ELAVL2: variants seen among roughly 807,000 people sequenced by gnomAD.
ELAVL2 encodes the protein ELAV-like protein 2.
Under a neutral mutation model 34.6 loss-of-function variants are expected in ELAVL2, and 4 were observed. The observed-to-expected ratio is 0.12, with a 90% CI of 0.06 to 0.26. The LOEUF (loss-of-function observed/expected upper bound fraction) is 0.26, where lower values mean the gene tolerates loss of function less well. Among genes scored for constraint, ELAVL2 ranks in the 10% least tolerant of loss-of-function variants. The pLI is 1.00. For missense variants in ELAVL2, 432 were observed against 442.8 expected (o/e 0.98, Z 0.22); for synonymous variants, 193 against 154.8 (o/e 1.25, Z -1.83).
At chr9:23,768,239 C>T (rs1223027070) in intron 1 of ELAVL2, among the ~76,000 whole-genome samples, 1 of 152,136 alleles carries the variant, frequency 6.6e-6, no homozygotes, top group Non-Finnish European at 1.5e-5. Flanking sequence ...CTCCTTGTCC[C>T]TCAAACAGTC....
chr9:23,730,994 A>T (rs746153264), intron 3 of ELAVL2, 28 bp downstream of exon 3: 30 of 1,583,122 alleles, frequency 1.9e-5, no homozygotes, highest in Non-Finnish European at 2.6e-5. Flanking sequence ...CTGTTCCGCA[A>T]GTAGATATAA....
intron 1 of ELAVL2, among the ~76,000 whole-genome samples, chr9:23,798,726 T>TAA (rs945979817): frequency 1.4e-4 from 21 of 152,112 alleles, no homozygotes; most frequent in African/African-American, 4.8e-4. Context: ...AACCACAAGC[T>TAA]AAAAGCTATA....
At chr9:23,693,523 T>G (rs761551993) in intron 5 of ELAVL2, 37 bp from the exon 6 acceptor site, 1 of 1,613,600 alleles carries the variant, frequency 6.2e-7, no homozygotes, top group Non-Finnish European at 8.5e-7. Flanking sequence ...CAGTTTTTAA[T>G]TTTTCCCCTT....
intron 5 of ELAVL2, among the ~76,000 whole-genome samples, chr9:23,699,618 C>G (rs769593745): frequency 6.6e-6 from 1 of 151,970 alleles, no homozygotes; most frequent in African/African-American, 2.4e-5. Flanking sequence ...GTTCATCCTA[C>G]GTTTGCAATT....
At chr9:23,763,940 A>T (rs2055640231) in intron 1 of ELAVL2, among the ~76,000 whole-genome samples, 1 of 152,192 alleles carries the variant, frequency 6.6e-6, no homozygotes, top group South Asian at 2.1e-4. Flanking sequence ...GATGAAGGAA[A>T]ATAAACCTTT....
chr9:23,720,321 C>T (rs1587677782), intron 3 of ELAVL2, among the ~76,000 whole-genome samples: 1 of 151,908 alleles, frequency 6.6e-6, no homozygotes, highest in Admixed American at 6.6e-5. Flanking sequence ...TCACAGGCAC[C>T]CGCCACCATG....
In ELAVL2 at chr9:23,825,965, C is replaced by T. The variant is rs572585975; in HGVS notation, c.-175G>A. ...AGCAAATAAAAAGAAACGCTTTCGA[C>T]CCCAAAGTCCAATGCTAAAAGAAAT... is the stretch of plus-strand genomic sequence containing the variant. On this transcript the variant is annotated 5_prime_UTR_variant, in exon 1 of 7. Transcript: ENST00000397312. The T allele has an allele frequency of 6.6e-6, 1 of 152,050 alleles. No individual in the cohort carries two copies. Among genetic ancestry groups the T allele is most frequent in the Non-Finnish European group, 1.5e-5 (1 of 68,016 alleles). 9.4% of individuals were successfully genotyped at this position (152,050 alleles called of 1,614,324 possible). A position where few individuals can be genotyped will look rare whatever the true frequency, so the allele number is the denominator to read the frequency against.
intron 1 of ELAVL2, chr9:23,765,203 TC>T: frequency 2.0e-6 from 2 of 1,007,430 alleles, no homozygotes; most frequent in Non-Finnish European, 2.9e-6. Flanking sequence ...TCCCAGCACG[TC>T]CATGCAGTGT....
intron 2 of ELAVL2, among the ~76,000 whole-genome samples, chr9:23,739,797 G>A (rs113888328): frequency 4.2e-5 from 6 of 144,528 alleles, no homozygotes; most frequent in African/African-American, 1.0e-4. Context: ...ACACACACAC[G>A]CACACACCCC....
At chr9:23,748,869 A>T (rs1028401705) in intron 2 of ELAVL2, among the ~76,000 whole-genome samples, 1 of 152,156 alleles carries the variant, frequency 6.6e-6, no homozygotes, top group African/African-American at 2.4e-5. Context: ...TTTACTTTCA[A>T]AATACTTTGG....
At position 23,797,298 on chromosome 9, in the gene ELAVL2, A is replaced by C. The variant is rs755820310; in HGVS notation, c.-16+28508T>G. 6.5e-4 allele frequency among the ~76,000 whole-genome samples: 99 copies of C among 152,262 alleles called. 1 individual carries two copies. The highest frequency in any genetic ancestry group is 1.0e-3 in the Non-Finnish European group (71 of 68,054). On this transcript the variant is annotated intron_variant, in intron 1 of 6. Transcript: ENST00000397312. The stretch of plus-strand genomic sequence containing the variant: ...CAACCAGTAAAGGCACTACAAAAAC[A>C]GCACGGCTTTCTAAATATCATTAAA...
At chr9:23,750,986 A>G (rs1219643970) in intron 2 of ELAVL2, among the ~76,000 whole-genome samples, 1 of 152,146 alleles carries the variant, frequency 6.6e-6, no homozygotes, top group Non-Finnish European at 1.5e-5. Context: ...CTTTACTTTA[A>G]AAGGAGGATT....
At chr9:23,829,160 G>A (rs2065422271), upstream of ELAVL2, among the ~76,000 whole-genome samples, 1 of 152,196 alleles carries the variant, frequency 6.6e-6, no homozygotes, top group South Asian at 2.1e-4. Context: ...TTGAATTGCA[G>A]CAGAAAAGGG....
chr9:23,838,040 ATATAG>A, the ELAVL2 span, among the ~76,000 whole-genome samples: 1 of 152,190 alleles, frequency 6.6e-6, no homozygotes, highest in African/African-American at 2.4e-5. Flanking sequence ...CTCCATAAAC[ATATAG>A]TAAACAGTTA....
intron 1 of ELAVL2, among the ~76,000 whole-genome samples, chr9:23,824,375 G>C (rs532192573): frequency 6.6e-6 from 1 of 152,300 alleles, no homozygotes; most frequent in East Asian, 1.9e-4. Context: ...GGTGGGCACT[G>C]CCACCTTGCC....
At chr9:23,850,490 C>T in the ELAVL2 span, among the ~76,000 whole-genome samples, 3 of 152,080 alleles carry the variant, frequency 2.0e-5, no homozygotes, top group Non-Finnish European at 4.4e-5. Context: ...CTCGTTCCTG[C>T]CTCTTTCGAG....
intron 2 of ELAVL2, among the ~76,000 whole-genome samples, chr9:23,744,505 T>C (rs935044689): frequency 2.0e-5 from 3 of 152,176 alleles, no homozygotes; most frequent in Admixed American, 1.3e-4. Flanking sequence ...AAACTTTAAA[T>C]ATGTATGCTG....
chr9:23,739,312 A>G (rs1032655356), intron 2 of ELAVL2, among the ~76,000 whole-genome samples: 2 of 152,116 alleles, frequency 1.3e-5, no homozygotes, highest in Admixed American at 1.3e-4. Flanking sequence ...TAGTTTCTCT[A>G]AAAGATAGGT....
intron 3 of ELAVL2, among the ~76,000 whole-genome samples, chr9:23,705,614 T>C (rs1239004087): frequency 6.6e-6 from 1 of 152,170 alleles, no homozygotes; most frequent in Non-Finnish European, 1.5e-5. Flanking sequence ...GGAAGACAAT[T>C]TTTCCATGGA....
Sources: allele counts gnomAD v4.1 joint callset (sites outside exome capture counted in the v4.1 genomes callset), GRCh38; gene constraint gnomAD v4.1.1; transcripts MANE v1.5; gene names NCBI Gene and HGNC (gene_info 2026-07-23, HGNC 2026-07-21).